CEP152: variants seen among roughly 807,000 people sequenced by gnomAD.
CEP152 encodes centrosomal protein 152.
In CEP152, 132 loss-of-function variants were observed where a neutral mutation model predicts 188.9. The observed-to-expected ratio is 0.70, with a 90% CI of 0.61 to 0.81. The LOEUF (loss-of-function observed/expected upper bound fraction) is 0.81, where lower values mean the gene tolerates loss of function less well. CEP152 is among the 30% of genes least tolerant of loss of function. CEP152 has a pLI of 0.00. For missense variants in CEP152, 1,914 were observed against 1,969.8 expected (o/e 0.97, Z 0.54); for synonymous variants, 649 against 666.6 (o/e 0.97, Z 0.41).
At chr15:48,779,603 G>A (rs1249929529) in intron 12 of CEP152, among the ~76,000 whole-genome samples, 2 of 152,068 alleles carry the variant, frequency 1.3e-5, no homozygotes, top group African/African-American at 2.4e-5. Flanking sequence ...AACCTCCAAG[G>A]GATTTTAAGC....
rs181267389 is a variant in CEP152 at position 48,779,010 on chromosome 15, G to A, written c.1577+2186C>T. Among the ~76,000 whole-genome samples, 355 of 151,566 alleles carry A rather than the reference G, an allele frequency of 2.3e-3. 1 individual carries two copies. Among genetic ancestry groups the A allele is most frequent in the African/African-American group, 8.1e-3 (336 of 41,408 alleles). The stretch of plus-strand genomic sequence containing the variant: ...TATGAGCACTAAGTAAATAGAAAGT[G>A]TAAAGGTAGCAGAATATGTTTTAAT... On this transcript the variant is annotated intron_variant, in intron 12 of 26. Coordinates refer to ENST00000380950, the MANE Select transcript of CEP152 (RefSeq NM_001194998.2).
At chr15:48,733,804 C>CAGTTGA (rs1270370419), downstream of CEP152, among the ~76,000 whole-genome samples, 2 of 152,224 alleles carry the variant, frequency 1.3e-5, no homozygotes, top group African/African-American at 4.8e-5. Context: ...ACAGGATTAA[C>CAGTTGA]AGTTGACTTT....
intron 2 of CEP152, among the ~76,000 whole-genome samples, chr15:48,804,017 G>C (rs760281275): frequency 1.3e-5 from 2 of 152,174 alleles, no homozygotes; most frequent in African/African-American, 4.8e-5. Flanking sequence ...CCCTCACCAG[G>C]GTCATAAACT....
At position 48,789,127 on chromosome 15, in the gene CEP152, G is replaced by A. The variant is rs1272497052; in HGVS notation, c.973-126C>T. On this transcript the variant is annotated intron_variant, in intron 8 of 26. Coordinates refer to ENST00000380950, the MANE Select transcript of CEP152 (RefSeq NM_001194998.2). ...AGCATGTTTTAATGAGAGTAGAGAAGGGGTCTCCGCTCATCATGGCTCAAG... is the reference window on the plus strand; with the variant it reads ...AGCATGTTTTAATGAGAGTAGAGAAAGGGTCTCCGCTCATCATGGCTCAAG... 4.3e-5 allele frequency: 37 copies of A among 864,160 alleles called. 1 individual carries two copies. The highest frequency in any genetic ancestry group is 6.2e-5 in the Non-Finnish European group (33 of 536,380). 53.5% of individuals were successfully genotyped at this position (864,160 alleles called of 1,614,324 possible). A position where few individuals can be genotyped will look rare whatever the true frequency, so the allele number is the denominator to read the frequency against.
chr15:48,731,017 T>A (rs1026659859), intron 2 of CEP152, among the ~76,000 whole-genome samples: 2 of 152,180 alleles, frequency 1.3e-5, no homozygotes, highest in African/African-American at 4.8e-5. Flanking sequence ...ATGCATGTGC[T>A]TGGATGTTGA....
At position 48,756,107 on chromosome 15, in the gene CEP152, C is replaced by G; in HGVS notation, c.3141G>C (p.Leu1047=). ...LEIYQYEEDI[L]TVLGVLLSDT... ...CACTTAAAAGAACCCCAAGTACAGT[C>G]AGGATGTCTTCCTCATACTGATAGA... The change falls in exon 20 of 27, where the codon CTG becomes CTC. Residue 1047 remains leucine (L), a synonymous_variant. Transcript: ENST00000380950. 4 of 1,614,122 alleles carry G rather than the reference C, an allele frequency of 2.5e-6. No individual in the cohort carries two copies. Among genetic ancestry groups the G allele is most frequent in the Non-Finnish European group, 3.4e-6 (4 of 1,179,972 alleles).
intron 1 of CEP152, among the ~76,000 whole-genome samples, chr15:48,806,465 T>G (rs537263309): frequency 3.3e-5 from 5 of 152,288 alleles, no homozygotes; most frequent in African/African-American, 9.6e-5. Context: ...CTCTGAACAA[T>G]CACAACAAAA....
intron 6 of CEP152, among the ~76,000 whole-genome samples, chr15:48,795,020 C>T (rs916328513): frequency 6.6e-6 from 1 of 152,136 alleles, no homozygotes; most frequent in African/African-American, 2.4e-5. Flanking sequence ...ATGACCTTTC[C>T]CCTACTAATT....
chr15:48,735,732 T>G (rs1227981101), downstream of CEP152, among the ~76,000 whole-genome samples: 2 of 151,558 alleles, frequency 1.3e-5, no homozygotes, highest in Non-Finnish European at 2.9e-5. Flanking sequence ...AGTCTCCATC[T>G]CAAAAATAAA....
intron 1 of CEP152, among the ~76,000 whole-genome samples, chr15:48,808,968 GAACCC>G (rs1898167891): frequency 2.0e-5 from 3 of 152,038 alleles, no homozygotes; most frequent in Admixed American, 6.5e-5. Context: ...AACTTTTTCT[GAACCC>G]TTAACAAGAC....
intron 20 of CEP152, among the ~76,000 whole-genome samples, chr15:48,755,166 A>G (rs1434992172): frequency 6.6e-6 from 1 of 152,198 alleles, no homozygotes; most frequent in East Asian, 1.9e-4. Flanking sequence ...ATACAAATTA[A>G]AAGCTGGTCT....
At chr15:48,790,275 A>G (rs1431596267) in intron 8 of CEP152, among the ~76,000 whole-genome samples, 5 of 152,178 alleles carry the variant, frequency 3.3e-5, no homozygotes, top group African/African-American at 1.2e-4. Context: ...AGCTCTTACT[A>G]CTTTCTAGTG....
At chr15:48,798,274 T>A (rs911707896) in intron 2 of CEP152, among the ~76,000 whole-genome samples, 4 of 149,092 alleles carry the variant, frequency 2.7e-5, no homozygotes, top group African/African-American at 7.4e-5. Flanking sequence ...TTTTTTTTTT[T>A]AACGAAGATC....
At chr15:48,784,172 G>T in intron 9 of CEP152, 52 bp from the exon 10 acceptor site, 1 of 1,534,718 alleles carries the variant, frequency 6.5e-7, no homozygotes. Flanking sequence ...TTTTAATAAA[G>T]AGTAAACTAA....
In CEP152 at chr15:48,796,097, C is replaced by G; in HGVS notation, c.604G>C (p.Ala202Pro). The G allele has an allele frequency of 6.2e-7, 1 of 1,613,820 alleles. No individual in the cohort carries two copies. The highest frequency in any genetic ancestry group is 8.5e-7 in the Non-Finnish European group (1 of 1,179,842). Residue 202 changes from alanine to proline, a missense_variant, in exon 6 of 27, where the codon GCC becomes CCC. By Grantham distance (27) the Ala-to-Pro change is conservative. Coordinates refer to ENST00000380950, the MANE Select transcript of CEP152 (RefSeq NM_001194998.2). ...KVTYKPYQSS[A>P]QNNGSPAQEI... Reference sequence around the variant, plus strand: ...TGGGCTGGTGAGCCATTATTCTGGGCAGAAGACTGATAAGGTTTATATGTC... The same window carrying G: ...TGGGCTGGTGAGCCATTATTCTGGGGAGAAGACTGATAAGGTTTATATGTC...
At chr15:48,749,759 T>G (rs749827428) in intron 21 of CEP152, among the ~76,000 whole-genome samples, 2 of 151,968 alleles carry the variant, frequency 1.3e-5, no homozygotes, top group African/African-American at 2.4e-5. Flanking sequence ...TGTGGAAATG[T>G]TCTAGATTAA....
At chr15:48,764,833 G>A (rs1019432768) in intron 17 of CEP152, among the ~76,000 whole-genome samples, 9 of 151,996 alleles carry the variant, frequency 5.9e-5, no homozygotes, top group Non-Finnish European at 1.2e-4. Flanking sequence ...AACTCTTATT[G>A]TTACCTGACT....
chr15:48,784,053 A>G lies in CEP152; in HGVS notation c.1241T>C (p.Leu414Ser), dbSNP rs1896456197. The change falls in exon 10 of 27, where the codon TTA becomes TCA. Residue 414 changes from leucine to serine, a missense_variant. By Grantham distance (145) the Leu-to-Ser change is moderately radical (BLOSUM62 -2). Transcript: ENST00000380950. Reference protein sequence around the residue: ...QLERNQEAIKLEKTEIINKLT... With the variant: ...QLERNQEAIKSEKTEIINKLT... Reference sequence around the variant, plus strand: ...CTTATTAATGATCTCAGTCTTTTCTAACTTGATTGCTTCTTGATTCCTTTC... The same window carrying G: ...CTTATTAATGATCTCAGTCTTTTCTGACTTGATTGCTTCTTGATTCCTTTC... The G allele has an allele frequency of 6.2e-7, 1 of 1,613,744 alleles. No individual in the cohort carries two copies. Among genetic ancestry groups the G allele is most frequent in the Non-Finnish European group, 8.5e-7 (1 of 1,179,910 alleles).
At chr15:48,789,306 G>C (rs1377985761) in intron 8 of CEP152, 5 of 431,814 alleles carry the variant, frequency 1.2e-5, no homozygotes, top group Non-Finnish European at 1.7e-5. Context: ...ATCTGCTGAT[G>C]CCGTGATGGC....
Sources: allele counts gnomAD v4.1 joint callset (sites outside exome capture counted in the v4.1 genomes callset), GRCh38; gene constraint gnomAD v4.1.1; transcripts MANE v1.5; gene names NCBI Gene and HGNC (gene_info 2026-07-23, HGNC 2026-07-21).